ANKRD44: variants seen among roughly 807,000 people sequenced by gnomAD.
The protein encoded by ANKRD44 is serine/threonine-protein phosphatase 6 regulatory ankyrin repeat subunit B.
Under a neutral mutation model 116.0 loss-of-function variants are expected in ANKRD44, and 35 were observed. The ratio of observed to expected loss-of-function variants is 0.30; its 90% CI spans 0.23 to 0.40. ANKRD44 has a LOEUF of 0.40. Among genes scored for constraint, ANKRD44 ranks in the 10% least tolerant of loss-of-function variants. The probability of loss-of-function intolerance (pLI) is 1.00; values close to 1 mark genes in which losing one functional copy is unlikely to be tolerated. For synonymous variants in ANKRD44, 435 were observed against 461.8 expected, an observed-to-expected ratio of 0.94 and a Z score of 0.74; for missense variants, 1,014 against 1,242.6, an observed-to-expected ratio of 0.82 and a Z score of 2.77.
chr2:197,214,419 T>C (rs985121696), intron 1 of ANKRD44, among the ~76,000 whole-genome samples: 2 of 152,148 alleles, frequency 1.3e-5, no homozygotes, highest in African/African-American at 4.8e-5. Context: ...CTGGCAAACA[T>C]GCAAAAAGAA....
At chr2:197,257,484 TTTTC>T (rs1375559421) in intron 1 of ANKRD44, among the ~76,000 whole-genome samples, 4 of 152,178 alleles carry the variant, frequency 2.6e-5, no homozygotes, top group Non-Finnish European at 4.4e-5. Context: ...TTCAGTTCCT[TTTTC>T]TTTTATTTAG....
chr2:197,121,135 G>A (rs1399467984), intron 8 of ANKRD44, among the ~76,000 whole-genome samples, 197 bp downstream of exon 8: 3 of 151,930 alleles, frequency 2.0e-5, no homozygotes, highest in African/African-American at 7.3e-5. Context: ...CACCATCTTC[G>A]TCAGGCTGGT....
chr2:197,043,604 G>A (rs1456301446), intron 16 of ANKRD44, among the ~76,000 whole-genome samples: 1 of 152,150 alleles, frequency 6.6e-6, no homozygotes, highest in Non-Finnish European at 1.5e-5. Context: ...TTTTAAAAAT[G>A]TGGGGCATCA....
At chr2:197,010,067 C>G (rs4850745) in intron 18 of ANKRD44, among the ~76,000 whole-genome samples, 1 of 151,286 alleles carries the variant, frequency 6.6e-6, no homozygotes, top group African/African-American at 2.4e-5. Context: ...AGGAGGAAGG[C>G]GAGGAAGGAA....
chr2:197,298,294 A>G (rs2083785096), intron 1 of ANKRD44, among the ~76,000 whole-genome samples: 1 of 151,884 alleles, frequency 6.6e-6, no homozygotes. Flanking sequence ...CAAATATCTT[A>G]CACTGGACAA....
intron 1 of ANKRD44, among the ~76,000 whole-genome samples, chr2:197,202,077 G>A (rs1364348926): frequency 6.6e-6 from 1 of 152,244 alleles, no homozygotes; most frequent in Non-Finnish European, 1.5e-5. Flanking sequence ...TTGGTGAAAG[G>A]CAGGTGGCCT....
intron 9 of ANKRD44, among the ~76,000 whole-genome samples, chr2:197,108,918 G>A (rs1205422483): frequency 6.6e-6 from 1 of 152,094 alleles, no homozygotes; most frequent in Non-Finnish European, 1.5e-5. Context: ...ATCCAGGCAG[G>A]ACATGGAATT....
intron 18 of ANKRD44, among the ~76,000 whole-genome samples, chr2:197,011,687 G>A (rs1372719955): frequency 6.6e-6 from 1 of 152,062 alleles, no homozygotes; most frequent in African/African-American, 2.4e-5. Flanking sequence ...TGGCCAGGCT[G>A]GTCTCGAACT....
intron 1 of ANKRD44, among the ~76,000 whole-genome samples, chr2:197,207,382 C>T (rs13415446): frequency 0.024 from 3,727 of 152,242 alleles, 175 homozygotes; most frequent in African/African-American, 0.084. Context: ...TAATAATCAC[C>T]CATGATTAAA....
chr2:197,246,592 T>C (rs2082198663), intron 1 of ANKRD44, among the ~76,000 whole-genome samples: 1 of 151,818 alleles, frequency 6.6e-6, no homozygotes, highest in African/African-American at 2.4e-5. Flanking sequence ...TCGCTTACAC[T>C]CAACAGTCTT....
chr2:197,081,848 C>A, intron 14 of ANKRD44, 123 bp from the exon 15 acceptor site: 1 of 710,376 alleles, frequency 1.4e-6, no homozygotes, highest in East Asian at 2.6e-5. Flanking sequence ...AAGTAAGCAC[C>A]ACTGATTTTC....
intron 16 of ANKRD44, among the ~76,000 whole-genome samples, chr2:197,073,433 C>G (rs937003722): frequency 2.0e-5 from 3 of 152,198 alleles, no homozygotes; most frequent in Non-Finnish European, 2.9e-5. Flanking sequence ...AGCTCTGGCC[C>G]TTGGCTCACA....
chr2:196,998,076 T>C (rs1224723339), intron 25 of ANKRD44, among the ~76,000 whole-genome samples: 1 of 152,168 alleles, frequency 6.6e-6, no homozygotes, highest in African/African-American at 2.4e-5. Flanking sequence ...ACAGACAGAC[T>C]ACAGCAAGAA....
At position 196,988,548 on chromosome 2, in the gene ANKRD44, A is replaced by T; in HGVS notation, c.*1043T>A. ...AACAGGAGTTTTAATTAAATCCAGG[A>T]TATTAAGAGTAAGATTAAAGTTTTA... On this transcript the variant is annotated 3_prime_UTR_variant, in exon 28 of 28. Coordinates refer to ENST00000282272, the MANE Select transcript of ANKRD44 (RefSeq NM_001195144.2). 1.0e-6 allele frequency: 1 copy of T among 985,032 alleles called. No homozygotes were observed. The allele number at this position is 985,032 out of a possible 1,614,324, so 61.0% of individuals were successfully genotyped here.
In ANKRD44 at chr2:197,117,527, C is replaced by T. The variant is rs113221550; in HGVS notation, c.906+3805G>A. On this transcript the variant is annotated intron_variant, in intron 8 of 27. Coordinates refer to ENST00000282272, the MANE Select transcript of ANKRD44 (RefSeq NM_001195144.2). ...TGCTCGGATTACAGGCGTGAGCCAC[C>T]GCGCCTGGCCAATTTTTGTATCTTT... Among the ~76,000 whole-genome samples the T allele has an allele frequency of 6.0e-3, 907 of 152,160 alleles. 11 individuals are homozygous for T. The highest frequency in any genetic ancestry group is 0.021 in the African/African-American group (864 of 41,518).
chr2:197,139,648 G>T (rs2950818), intron 3 of ANKRD44, among the ~76,000 whole-genome samples: 139,053 of 151,270 alleles, frequency 0.92, 64,294 homozygotes, highest in East Asian at 0.98. Context: ...TATAGATATA[G>T]ATATATATAT....
At chr2:197,190,778 A>G (rs897457823) in intron 1 of ANKRD44, among the ~76,000 whole-genome samples, 2 of 152,248 alleles carry the variant, frequency 1.3e-5, no homozygotes, top group Admixed American at 1.3e-4. Context: ...GGCAACCATC[A>G]TAACTTTTGC....
chr2:197,074,689 G>T (rs1431588557), intron 16 of ANKRD44, among the ~76,000 whole-genome samples: 1 of 152,044 alleles, frequency 6.6e-6, no homozygotes, highest in Non-Finnish European at 1.5e-5. Context: ...ATGTTGCCCA[G>T]GTTGGTCTTG....
chr2:197,078,520 T>C (rs1417417410), intron 16 of ANKRD44, 183 bp downstream of exon 16: 4 of 1,429,828 alleles, frequency 2.8e-6, no homozygotes, highest in East Asian at 3.0e-5. Context: ...TAACCTGCAA[T>C]GGAAGGCAGC....
Sources: gnomAD v4.1 joint callset for allele counts (sites outside exome capture counted in the v4.1 genomes callset) on GRCh38, gnomAD v4.1.1 for gene constraint, MANE v1.5 for transcripts, NCBI Gene and HGNC (gene_info 2026-07-23, HGNC 2026-07-21) for gene names.